The following NSD2 variants were observed in gnomAD, a reference collection of about 807,000 sequenced individuals.
The protein encoded by NSD2 is histone-lysine N-methyltransferase NSD2.
NSD2 carries 12 observed loss-of-function variants against 139.0 expected under a neutral mutation model. The ratio of observed to expected loss-of-function variants is 0.09; its 90% CI spans 0.06 to 0.14. NSD2 has a LOEUF of 0.14. NSD2 is among the 10% of genes least tolerant of loss of function. The pLI is 1.00. For missense variants in NSD2, 1,155 were observed against 1,745.0 expected (o/e 0.66, Z 6.02); for synonymous variants, 669 against 648.7 (o/e 1.03, Z -0.48).
intron 19 of NSD2, 97 bp from the exon 20 acceptor site, chr4:1,975,197 A>ATT: frequency 7.0e-7 from 1 of 1,427,604 alleles, no homozygotes; most frequent in South Asian, 1.2e-5. Flanking sequence ...AGATACAAAA[A>ATT]TAATAAGAGT....
chr4:1,981,805 T>C lies in NSD2; in HGVS notation c.*2896T>C. 2.5e-6 allele frequency: 1 copy of C among 398,654 alleles called. No individual in the cohort carries two copies. 24.7% of individuals were successfully genotyped at this position (398,654 alleles called of 1,614,324 possible). A position where few individuals can be genotyped will look rare whatever the true frequency, so the allele number is the denominator to read the frequency against. On this transcript the variant is annotated 3_prime_UTR_variant, in exon 22 of 22. Coordinates refer to ENST00000508803, the MANE Select transcript of NSD2 (RefSeq NM_001042424.3). Reference sequence around the variant, plus strand: ...TAATTCAAGTTAATGCAAATGACTGTCAGTTGCCAAATATCTTGATCCTAT... The same window carrying C: ...TAATTCAAGTTAATGCAAATGACTGCCAGTTGCCAAATATCTTGATCCTAT...
At chr4:1,936,350 T>C (rs377306375) in intron 7 of NSD2, among the ~76,000 whole-genome samples, 1 of 152,202 alleles carries the variant, frequency 6.6e-6, no homozygotes, top group South Asian at 2.1e-4. Flanking sequence ...TTAGACTTTG[T>C]ACTTTGTTTG....
At chr4:1,874,085 A>G (rs1341739592) in intron 1 of NSD2, among the ~76,000 whole-genome samples, 1 of 152,246 alleles carries the variant, frequency 6.6e-6, no homozygotes, top group African/African-American at 2.4e-5. Context: ...GTAAATAATT[A>G]ATCAGCAGCA....
intron 1 of NSD2, among the ~76,000 whole-genome samples, chr4:1,876,347 A>G (rs759138929): frequency 3.9e-5 from 6 of 152,210 alleles, no homozygotes; most frequent in Non-Finnish European, 8.8e-5. Flanking sequence ...CAAAATATAC[A>G]AGGATAGAAA....
chr4:1,900,796 C>T lies in NSD2; in HGVS notation c.142C>T (p.Leu48Phe). ...CEVNRECSVFLSKAQLSSSLQ... is the reference protein window; with the variant it reads ...CEVNRECSVFFSKAQLSSSLQ... ...GGTGAACCGCGAGTGTTCTGTGTTCCTCAGCAAAGCCCAGCTCTCCAGTAG... is the reference window on the plus strand; with the variant it reads ...GGTGAACCGCGAGTGTTCTGTGTTCTTCAGCAAAGCCCAGCTCTCCAGTAG... Residue 48 changes from leucine to phenylalanine, a missense_variant, in exon 2 of 22, where the codon CTC (leucine) becomes TTC (phenylalanine). Physicochemically the swap from Leu to Phe is conservative, Grantham distance 22. Transcript: ENST00000508803. 6.2e-7 allele frequency: 1 copy of T among 1,614,152 alleles called. No individual in the cohort carries two copies.
chr4:1,961,577 C>T lies in NSD2; in HGVS notation c.3372+426C>T, dbSNP rs939957151. Among the ~76,000 whole-genome samples, 116 of 152,276 alleles carry T rather than the reference C, an allele frequency of 7.6e-4. 1 individual carries two copies. Among genetic ancestry groups the T allele is most frequent in the African/African-American group, 2.7e-3 (111 of 41,552 alleles). ...CAGAATCGTTTTTGCTTGGTTGTTG[C>T]TTGTATGCAGCCCATATTTCTAACC... On this transcript the variant is annotated intron_variant, in intron 18 of 21. Coordinates refer to ENST00000508803, the MANE Select transcript of NSD2 (RefSeq NM_001042424.3).
chr4:1,978,588 AGTC>A (rs763540025), intron 21 of NSD2, 47 bp from the exon 22 acceptor site: 11 of 1,554,232 alleles, frequency 7.1e-6, no homozygotes, highest in South Asian at 4.9e-5. Context: ...ATAATGTTGA[AGTC>A]GTGATTCCAT....
chr4:1,975,485 C>A, intron 20 of NSD2, 85 bp downstream of exon 20: 1 of 1,262,128 alleles, frequency 7.9e-7, no homozygotes, highest in Non-Finnish European at 1.1e-6. Context: ...TGAACAGCGG[C>A]TTCCTCCAGG....
rs1235276612 is a variant in NSD2, at chr4:1,979,265, G to A, written c.*356G>A. 2.7e-5 allele frequency: 7 copies of A among 260,422 alleles called. No homozygotes were observed. The Admixed American group carries it at 2.7e-4, about 10-fold the overall frequency. 16.1% of individuals were successfully genotyped at this position (260,422 alleles called of 1,614,324 possible). A position where few individuals can be genotyped will look rare whatever the true frequency, so the allele number is the denominator to read the frequency against. On this transcript the variant is annotated 3_prime_UTR_variant, in exon 22 of 22. Coordinates refer to ENST00000508803, the MANE Select transcript of NSD2 (RefSeq NM_001042424.3). ...GTTTTAATCTCCTCTGAAATGTGTA[G>A]CGTAGGCTTTTCCCAAGGGTCGCTA...
chr4:1,918,648 C>T lies in NSD2; in HGVS notation c.1410+25C>T, dbSNP rs377495411. 1.9e-6 allele frequency: 3 copies of T among 1,605,920 alleles called. No homozygotes were observed. In the South Asian group the frequency reaches 3.3e-5, roughly 18 times the overall value. On this transcript the variant is annotated intron_variant, in intron 5 of 21. Coordinates refer to ENST00000508803, the MANE Select transcript of NSD2 (RefSeq NM_001042424.3). ...GGTCAGTACTAAGTTGTGTTTCATG[C>T]TAGCAAGTTTCAGAATTTGAGGAAC... is the stretch of plus-strand genomic sequence containing the variant.
intron 1 of NSD2, among the ~76,000 whole-genome samples, chr4:1,871,746 G>T (rs1577338803): frequency 6.7e-6 from 1 of 148,866 alleles, no homozygotes; most frequent in African/African-American, 2.5e-5. Flanking sequence ...CGGCCTGAGA[G>T]GGTCGTGGGG....
chr4:1,979,438 A>AT lies in NSD2; in HGVS notation c.*536dup, dbSNP rs1727527752. 1.7e-5 allele frequency: 4 copies of AT among 233,376 alleles called. No individual in the cohort carries two copies. Among genetic ancestry groups the AT allele is most frequent in the African/African-American group, 6.6e-5 (3 of 45,310 alleles). 14.5% of individuals were successfully genotyped at this position (233,376 alleles called of 1,614,324 possible). A position where few individuals can be genotyped will look rare whatever the true frequency, so the allele number is the denominator to read the frequency against. On this transcript the variant is annotated 3_prime_UTR_variant, in exon 22 of 22. Coordinates refer to ENST00000508803, the MANE Select transcript of NSD2 (RefSeq NM_001042424.3). ...TCTGCTCTTTGGAAATGGCTGTATC[A>AT]TTTTTTTGTACTAATGTGAATTGTT...
chr4:1,886,131 T>C (rs949351738), intron 1 of NSD2, among the ~76,000 whole-genome samples: 19 of 152,180 alleles, frequency 1.2e-4, no homozygotes, highest in African/African-American at 4.3e-4. Flanking sequence ...AGTCTTGTAA[T>C]CAAAGGTGAC....
Position 1,979,433 on chromosome 4 carries a change from G to A in NSD2, c.*524G>A, listed in dbSNP as rs112146288. On this transcript the variant is annotated 3_prime_UTR_variant, in exon 22 of 22. Transcript: ENST00000508803. ...ATTACTCTGCTCTTTGGAAATGGCT[G>A]TATCATTTTTTTGTACTAATGTGAA... 0.015 allele frequency: 3,589 copies of A among 233,634 alleles called. 116 individuals carry two copies. The highest frequency in any genetic ancestry group is 0.072 in the African/African-American group (3,284 of 45,452). 14.5% of individuals were successfully genotyped at this position (233,634 alleles called of 1,614,324 possible). A position where few individuals can be genotyped will look rare whatever the true frequency, so the allele number is the denominator to read the frequency against.
At chr4:1,893,120 C>T (rs1206904126) in intron 1 of NSD2, among the ~76,000 whole-genome samples, 2 of 152,142 alleles carry the variant, frequency 1.3e-5, no homozygotes, top group African/African-American at 2.4e-5. Context: ...TAATCCCTTC[C>T]GTTCTTTGTC....
Position 1,898,658 on chromosome 4 carries a change from T to TAA in NSD2, c.-29-1956_-29-1955dup, listed in dbSNP as rs967880779. ...CTGGGTGACAGAGCGAGACTCCGTCTAAAAAAAAAAAAACAAAAAACAAAA... is the reference window on the plus strand; with the variant it reads ...CTGGGTGACAGAGCGAGACTCCGTCTAAAAAAAAAAAAAAACAAAAAACAAAA... On this transcript the variant is annotated intron_variant, in intron 1 of 21. Coordinates refer to ENST00000508803, the MANE Select transcript of NSD2 (RefSeq NM_001042424.3). Among the ~76,000 whole-genome samples, 686 of 119,172 alleles carry TAA rather than the reference T, an allele frequency of 5.8e-3. 6 individuals carry two copies. Among genetic ancestry groups the TAA allele is most frequent in the African/African-American group, 0.02 (652 of 31,862 alleles). 78.2% of individuals were successfully genotyped at this position (119,172 alleles called of 152,430 possible).
chr4:1,969,913 A>G (rs1436069103), intron 18 of NSD2, among the ~76,000 whole-genome samples: 1 of 152,226 alleles, frequency 6.6e-6, no homozygotes, highest in Admixed American at 6.5e-5. Context: ...AACAAGGAAA[A>G]GAAAATTATT....
chr4:1,966,656 CAAAA>C (rs568684570), intron 18 of NSD2, among the ~76,000 whole-genome samples: 7 of 63,130 alleles, frequency 1.1e-4, no homozygotes, highest in Non-Finnish European at 1.6e-4. Flanking sequence ...GACTCTGTCT[CAAAA>C]AAAAAAAAAA....
At chr4:1,880,660 A>G (rs756089305) in intron 1 of NSD2, among the ~76,000 whole-genome samples, 90 of 152,146 alleles carry the variant, frequency 5.9e-4, no homozygotes, top group Non-Finnish European at 1.1e-3. Flanking sequence ...CCTATGTTTA[A>G]CAACCAATCT....
Sources: allele counts gnomAD v4.1 joint callset (sites outside exome capture counted in the v4.1 genomes callset), GRCh38; gene constraint gnomAD v4.1.1; transcripts MANE v1.5; gene names NCBI Gene and HGNC (gene_info 2026-07-23, HGNC 2026-07-21).